The following GHR variants were observed in gnomAD, a reference collection of about 807,000 sequenced individuals.
GHR encodes the protein growth hormone receptor.
A neutral mutation model predicts 67.1 loss-of-function variants in GHR; 35 were observed. The ratio of observed to expected loss-of-function variants is 0.52; its 90% confidence interval spans 0.40 to 0.69. GHR has a LOEUF of 0.69. GHR is among the 30% of genes least tolerant of loss of function. The pLI is 0.00. For synonymous variants in GHR, 272 were observed against 269.1 expected, an observed-to-expected ratio of 1.01 and a Z score of -0.10; for missense variants, 792 against 764.6, an observed-to-expected ratio of 1.04 and a Z score of -0.42.
At chr5:42,612,918 A>C (rs1219547909) in intron 2 of GHR, among the ~76,000 whole-genome samples, 3 of 152,050 alleles carry the variant, frequency 2.0e-5, no homozygotes, top group East Asian at 3.9e-4. Flanking sequence ...TAGCCCCTGA[A>C]GTCTCTCCTC....
At chr5:42,434,767 C>T (rs1456022946) in intron 1 of GHR, among the ~76,000 whole-genome samples, 1 of 152,162 alleles carries the variant, frequency 6.6e-6, no homozygotes, top group Non-Finnish European at 1.5e-5. Context: ...ACCAGCAGTT[C>T]TTTCGCCTGG....
At chr5:42,536,253 G>A (rs1369924953) in intron 1 of GHR, among the ~76,000 whole-genome samples, 2 of 152,036 alleles carry the variant, frequency 1.3e-5, no homozygotes, top group Non-Finnish European at 2.9e-5. Flanking sequence ...GTTTCCAGAG[G>A]GAATGCTTTC....
intron 3 of GHR, among the ~76,000 whole-genome samples, chr5:42,688,460 C>G (rs1757264849): frequency 6.6e-6 from 1 of 152,184 alleles, no homozygotes; most frequent in Non-Finnish European, 1.5e-5. Flanking sequence ...TCAAAGGAGC[C>G]TCAGAGGGAT....
chr5:42,468,075 C>T, intron 1 of GHR: 1 of 986,400 alleles, frequency 1.0e-6, no homozygotes, highest in Non-Finnish European at 1.6e-6. Context: ...GGGTTTTCAG[C>T]TTCCTCACGT....
rs1313139219 is a variant in GHR, at chr5:42,694,938, A to G, written c.288A>G (p.Gln96=). ...TTAGGAACACTCAAGAATGGACTCA[A>G]GAATGGAAAGAATGCCCTGATTATG... ...YTRRNTQEWT[Q]EWKECPDYVS... is the part of the protein sequence containing the mutation. The change falls in exon 5 of 10, where the codon CAA becomes CAG. Residue 96 remains glutamine (Q), a synonymous_variant. Transcript: ENST00000230882. The G allele has an allele frequency of 6.2e-7, 1 of 1,610,338 alleles. No homozygotes were observed. Among genetic ancestry groups the G allele is most frequent in the East Asian group, 2.2e-5 (1 of 44,834 alleles).
rs144899322 is a variant in GHR, at chr5:42,668,639, G to A, written c.137-20251G>A. 7.9e-4 allele frequency among the ~76,000 whole-genome samples: 121 copies of A among 152,202 alleles called. 1 individual carries two copies. The East Asian group carries it at 0.02, about 25-fold the overall frequency. On this transcript the variant is annotated intron_variant, in intron 3 of 9. Coordinates refer to ENST00000230882, the MANE Select transcript of GHR (RefSeq NM_000163.5). ...AAGAGAATGACAAGCTATGTTCTGAGCAATATGTGTATATATAAATATTAA... is the reference window on the plus strand; with the variant it reads ...AAGAGAATGACAAGCTATGTTCTGAACAATATGTGTATATATAAATATTAA...
chr5:42,543,276 A>G (rs888087159), intron 1 of GHR, among the ~76,000 whole-genome samples: 3 of 151,892 alleles, frequency 2.0e-5, no homozygotes, highest in African/African-American at 7.3e-5. Context: ...ATCCTTTTTC[A>G]CTACCTCTAC....
chr5:42,570,018 G>C (rs1750195652), intron 2 of GHR, among the ~76,000 whole-genome samples: 1 of 152,028 alleles, frequency 6.6e-6, no homozygotes, highest in Admixed American at 6.6e-5. Flanking sequence ...TGTTCTCATT[G>C]CTATCAGACA....
At chr5:42,560,297 G>A (rs899635729) in intron 1 of GHR, among the ~76,000 whole-genome samples, 2 of 152,186 alleles carry the variant, frequency 1.3e-5, no homozygotes, top group Middle Eastern at 3.4e-3. Flanking sequence ...GGGTTCAAGC[G>A]ATTCTCCTGC....
At chr5:42,582,788 T>C (rs1751247729) in intron 2 of GHR, among the ~76,000 whole-genome samples, 1 of 152,196 alleles carries the variant, frequency 6.6e-6, no homozygotes, top group Non-Finnish European at 1.5e-5. Context: ...CCAGATGCAG[T>C]TGCCCACGGT....
At chr5:42,459,759 T>G (rs1401188219) in intron 1 of GHR, among the ~76,000 whole-genome samples, 1 of 152,216 alleles carries the variant, frequency 6.6e-6, no homozygotes, top group Non-Finnish European at 1.5e-5. Flanking sequence ...GCTTGAGATT[T>G]GATAAATAAG....
Position 42,424,423 on chromosome 5 carries a change from C to G in GHR, c.-12+468C>G. The G allele has an allele frequency of 1.6e-6, 1 of 619,210 alleles. No individual in the cohort carries two copies. Among genetic ancestry groups the G allele is most frequent in the Non-Finnish European group, 2.9e-6 (1 of 346,378 alleles). 38.4% of individuals were successfully genotyped at this position (619,210 alleles called of 1,614,324 possible). On this transcript the variant is annotated intron_variant, in intron 1 of 9. Transcript: ENST00000230882. The surrounding 1 kb of genome is among the most constrained non-coding windows in gnomAD (Gnocchi z 4.1). ...GGAACTGCCGAGGCTGCTGCTGTTGCGCGGGGAAGAATCCCCGGCAGCGCG... is the reference window on the plus strand; with the variant it reads ...GGAACTGCCGAGGCTGCTGCTGTTGGGCGGGGAAGAATCCCCGGCAGCGCG...
chr5:42,674,976 A>G (rs181303439), intron 3 of GHR, among the ~76,000 whole-genome samples: 111 of 152,242 alleles, frequency 7.3e-4, no homozygotes, highest in Non-Finnish European at 1.4e-3. Context: ...GAAGTGTGTG[A>G]GGGTTTCTAT....
At chr5:42,484,242 G>C (rs1369929289) in intron 1 of GHR, among the ~76,000 whole-genome samples, 1 of 152,182 alleles carries the variant, frequency 6.6e-6, no homozygotes, top group Non-Finnish European at 1.5e-5. Context: ...CCAATGAAAT[G>C]CTGTTCTTTG....
At chr5:42,680,275 C>T (rs1756792667) in intron 3 of GHR, among the ~76,000 whole-genome samples, 1 of 152,130 alleles carries the variant, frequency 6.6e-6, no homozygotes, top group Admixed American at 6.6e-5. Context: ...CTCACTTTGG[C>T]TTATGTTCAA....
At chr5:42,520,075 A>G (rs1355853086) in intron 1 of GHR, among the ~76,000 whole-genome samples, 1 of 152,214 alleles carries the variant, frequency 6.6e-6, no homozygotes, top group Non-Finnish European at 1.5e-5. Flanking sequence ...TTATTTGAGT[A>G]CAATTACTAT....
At chr5:42,509,727 C>CA (rs1198169118) in intron 1 of GHR, among the ~76,000 whole-genome samples, 53 of 140,934 alleles carry the variant, frequency 3.8e-4, no homozygotes, top group Non-Finnish European at 7.2e-4. Flanking sequence ...GGCCTCAAAC[C>CA]TTTTTTTTTT....
At chr5:42,666,953 G>A (rs1043933932) in intron 3 of GHR, among the ~76,000 whole-genome samples, 8 of 152,154 alleles carry the variant, frequency 5.3e-5, no homozygotes, top group Admixed American at 2.0e-4. Flanking sequence ...GTGAAAAGTC[G>A]TAGGTTTCCC....
chr5:42,467,201 C>T lies in GHR; in HGVS notation c.-12+43246C>T, dbSNP rs368513688. 1.4e-5 allele frequency: 22 copies of T among 1,554,750 alleles called. No homozygotes were observed. In the African/African-American group the frequency reaches 1.5e-4, roughly 11 times the overall value. ...CAAGAGAGCTGACTGAAGGCTTGCCCACATTCACTGCAGTCATAAGGTTTC... is the reference window on the plus strand; with the variant it reads ...CAAGAGAGCTGACTGAAGGCTTGCCTACATTCACTGCAGTCATAAGGTTTC... On this transcript the variant is annotated intron_variant, in intron 1 of 9. Transcript: ENST00000230882.
Sources: allele counts gnomAD v4.1 joint callset (sites outside exome capture counted in the v4.1 genomes callset), GRCh38; gene constraint gnomAD v4.1.1; non-coding constraint Gnocchi (gnomAD v3.1); transcripts MANE v1.5; gene names NCBI Gene and HGNC (gene_info 2026-07-23, HGNC 2026-07-21).